Variants in KCNK2 observed in about 807,000 individuals in gnomAD.
KCNK2 encodes the protein potassium channel subfamily K member 2.
Under a neutral mutation model 40.5 loss-of-function variants are expected in KCNK2, and 21 were observed. The ratio of observed to expected loss-of-function variants is 0.52; its 90% CI spans 0.37 to 0.75. The LOEUF (loss-of-function observed/expected upper bound fraction) is 0.75, where lower values mean the gene tolerates loss of function less well. KCNK2 is among the 30% of genes least tolerant of loss of function. KCNK2 has a pLI of 0.00. For synonymous variants in KCNK2, 191 were observed against 202.2 expected, an observed-to-expected ratio of 0.94 and a Z score of 0.47; for missense variants, 399 against 531.6, an observed-to-expected ratio of 0.75 and a Z score of 2.45.
At chr1:215,170,058 CA>C (rs548997841) in intron 4 of KCNK2, among the ~76,000 whole-genome samples, 6 of 152,130 alleles carry the variant, frequency 3.9e-5, no homozygotes, top group Non-Finnish European at 8.8e-5. Flanking sequence ...ACTATGGAGG[CA>C]TCACTCTGAG....
intron 2 of KCNK2, among the ~76,000 whole-genome samples, chr1:215,087,382 A>G (rs983045930): frequency 6.6e-6 from 1 of 152,276 alleles, no homozygotes; most frequent in African/African-American, 2.4e-5. Context: ...TTACTTTATA[A>G]TAGCAGAACA....
intron 1 of KCNK2, among the ~76,000 whole-genome samples, chr1:215,058,687 A>G (rs1455344168): frequency 6.6e-6 from 1 of 152,274 alleles, no homozygotes; most frequent in Admixed American, 6.5e-5. Context: ...ACAAAGCCCT[A>G]CATAATCGCC....
chr1:215,103,699 C>G (rs1419861199), intron 2 of KCNK2, among the ~76,000 whole-genome samples: 1 of 151,952 alleles, frequency 6.6e-6, no homozygotes. Flanking sequence ...TGATATCATT[C>G]CTGAGGCACA....
chr1:215,022,323 T>C (rs1656834046), intron 1 of KCNK2, among the ~76,000 whole-genome samples: 1 of 152,184 alleles, frequency 6.6e-6, no homozygotes, highest in Non-Finnish European at 1.5e-5. Flanking sequence ...TATTTTGACA[T>C]CTGCCTTGGA....
chr1:215,152,006 T>C (rs1247031105), intron 3 of KCNK2, among the ~76,000 whole-genome samples: 1 of 152,194 alleles, frequency 6.6e-6, no homozygotes, highest in Non-Finnish European at 1.5e-5. Context: ...ACTTTTTGTT[T>C]AGAGGCTTAT....
At chr1:215,116,862 G>C (rs1307254846) in intron 2 of KCNK2, among the ~76,000 whole-genome samples, 1 of 151,784 alleles carries the variant, frequency 6.6e-6, no homozygotes, top group Non-Finnish European at 1.5e-5. Flanking sequence ...AATATGCTGG[G>C]GGGGGAACCT....
intron 3 of KCNK2, among the ~76,000 whole-genome samples, chr1:215,148,115 G>C (rs1446423999): frequency 2.4e-5 from 2 of 81,748 alleles, no homozygotes; most frequent in African/African-American, 1.1e-4. Flanking sequence ...GTCTTGCTCT[G>C]TTGCCCAGGC....
chr1:215,153,597 A>C (rs1662783295), intron 3 of KCNK2, among the ~76,000 whole-genome samples: 1 of 150,952 alleles, frequency 6.6e-6, no homozygotes, highest in Non-Finnish European at 1.5e-5. Context: ...TTTCTCTGAC[A>C]TCTCTTTTTA....
At chr1:215,232,697 T>G (rs1666718263) in intron 6 of KCNK2, among the ~76,000 whole-genome samples, 1 of 152,130 alleles carries the variant, frequency 6.6e-6, no homozygotes, top group African/African-American at 2.4e-5. Flanking sequence ...TAAAAACATA[T>G]TTTTTAAGAT....
At chr1:215,088,039 A>G (rs925307179) in intron 2 of KCNK2, among the ~76,000 whole-genome samples, 7 of 152,196 alleles carry the variant, frequency 4.6e-5, no homozygotes, top group Admixed American at 2.0e-4. Context: ...TTTTTAGATG[A>G]TGGTGACCTT....
intron 3 of KCNK2, among the ~76,000 whole-genome samples, chr1:215,135,659 C>T (rs1661873165): frequency 6.6e-6 from 1 of 151,942 alleles, no homozygotes; most frequent in Non-Finnish European, 1.5e-5. Flanking sequence ...CTGTGTCACA[C>T]TTGACTATTT....
chr1:215,223,470 T>C (rs959904722), intron 6 of KCNK2, among the ~76,000 whole-genome samples: 2 of 151,740 alleles, frequency 1.3e-5, no homozygotes, highest in Non-Finnish European at 2.9e-5. Flanking sequence ...AAAATATAGA[T>C]AAGGCAGGGT....
intron 2 of KCNK2, among the ~76,000 whole-genome samples, chr1:215,093,848 TA>T (rs1659851740): frequency 1.2e-4 from 10 of 84,344 alleles, no homozygotes; most frequent in African/African-American, 4.7e-4. Flanking sequence ...TATTATATAT[TA>T]TATATTATAT....
chr1:215,102,190 T>C (rs1401614144), intron 2 of KCNK2, among the ~76,000 whole-genome samples: 1 of 151,982 alleles, frequency 6.6e-6, no homozygotes, highest in East Asian at 1.9e-4. Flanking sequence ...TCATAGGAGA[T>C]GACAAGCATC....
At chr1:215,142,607 A>G (rs1026772277) in intron 3 of KCNK2, among the ~76,000 whole-genome samples, 1 of 151,998 alleles carries the variant, frequency 6.6e-6, no homozygotes, top group Admixed American at 6.6e-5. Context: ...TAATTTGTGG[A>G]CAGACAGTGA....
Position 215,055,936 on chromosome 1 carries a change from C to A in KCNK2, c.35-30432C>A, listed in dbSNP as rs553024529. Among the ~76,000 whole-genome samples, 43 of 152,228 alleles carry A rather than the reference C, an allele frequency of 2.8e-4. No homozygotes were observed. The South Asian group carries it at 8.9e-3, about 32-fold the overall frequency. ...GTACAATGGCTTGTGGGCTGCAAAT[C>A]CTAAAGTCAAAGTTAGGCTTTAAAA... On this transcript the variant is annotated intron_variant, in intron 1 of 6. Coordinates refer to the KCNK2 transcript ENST00000391895.
intron 1 of KCNK2, among the ~76,000 whole-genome samples, chr1:215,007,025 A>ATGTGTGTGTGTGTG (rs1164769909): frequency 3.1e-5 from 1 of 32,036 alleles, no homozygotes; most frequent in African/African-American, 7.0e-5. Context: ...ATATATATAT[A>ATGTGTGTGTGTGTG]TATATATATA....
intron 6 of KCNK2, among the ~76,000 whole-genome samples, chr1:215,201,220 A>T (rs1665068315): frequency 6.6e-6 from 1 of 151,606 alleles, no homozygotes. Flanking sequence ...AGAGAGGAAG[A>T]TGGTTACAGT....
At chr1:215,173,126 C>T (rs1397061418) in intron 5 of KCNK2, among the ~76,000 whole-genome samples, 3 of 152,138 alleles carry the variant, frequency 2.0e-5, no homozygotes, top group Non-Finnish European at 2.9e-5. Context: ...CCGCTCCCTC[C>T]ACCCCACAAC....
Sources: allele counts gnomAD v4.1 joint callset (sites outside exome capture counted in the v4.1 genomes callset), GRCh38; gene constraint gnomAD v4.1.1; transcripts MANE v1.5; gene names NCBI Gene and HGNC (gene_info 2026-07-23, HGNC 2026-07-21).